Variants in SAMD5 observed in about 807,000 individuals in gnomAD.
The protein encoded by SAMD5 is sterile alpha motif domain containing 5, also known as sterile alpha motif domain-containing protein 5.
A neutral mutation model predicts 11.3 loss-of-function variants in SAMD5; 13 were observed. The ratio of observed to expected loss-of-function variants is 1.15; its 90% CI spans 0.75 to 1.83. The LOEUF is 1.83. SAMD5 is among the 40% of genes most tolerant of loss of function. The pLI, the probability that SAMD5 is intolerant of heterozygous loss-of-function variation, is 0.00. For missense variants in SAMD5, 255 were observed against 239.1 expected (o/e 1.07, Z -0.44); for synonymous variants, 129 against 111.3 (o/e 1.16, Z -1.00).
At chr6:147,682,702 G>A (rs1790956994) in intron 1 of SAMD5, among the ~76,000 whole-genome samples, 3 of 152,258 alleles carry the variant, frequency 2.0e-5, no homozygotes, top group Middle Eastern at 3.4e-3. Context: ...CAAATAGTAG[G>A]TTTTGAATTA....
intron 1 of SAMD5, among the ~76,000 whole-genome samples, chr6:147,617,847 A>T (rs1789895491): frequency 6.6e-6 from 1 of 152,204 alleles, no homozygotes; most frequent in Non-Finnish European, 1.5e-5. Flanking sequence ...TTCCATAACT[A>T]CCACCCAGGT....
At chr6:147,899,255 A>G in the SAMD5 span, among the ~76,000 whole-genome samples, 3 of 151,696 alleles carry the variant, frequency 2.0e-5, no homozygotes, top group African/African-American at 7.3e-5. Context: ...GATATTAATG[A>G]CCAGCCTTGG....
At position 147,569,587 on chromosome 6, in the gene SAMD5, A is replaced by G; in HGVS notation, c.*5131A>G. The G allele has an allele frequency of 1.0e-6, 1 of 980,384 alleles. No homozygotes were observed. Among genetic ancestry groups the G allele is most frequent in the Non-Finnish European group, 1.2e-6 (1 of 825,286 alleles). 60.7% of individuals were successfully genotyped at this position (980,384 alleles called of 1,614,324 possible). ...CATTCCAAAAATGAAATGCTGTGTTAAATATCTCCAGGGCAAAGTGGTATG... is the reference window on the plus strand; with the variant it reads ...CATTCCAAAAATGAAATGCTGTGTTGAATATCTCCAGGGCAAAGTGGTATG... On this transcript the variant is annotated 3_prime_UTR_variant, in exon 2 of 2. Coordinates refer to ENST00000367474, the MANE Select transcript of SAMD5 (RefSeq NM_001030060.3).
intron 1 of SAMD5, among the ~76,000 whole-genome samples, chr6:147,663,812 AGAGAGAG>A (rs1260474933): frequency 8.2e-6 from 1 of 122,192 alleles, no homozygotes; most frequent in Admixed American, 9.4e-5. Flanking sequence ...AAAAAAAAAA[AGAGAGAG>A]AAAGAAAAAG....
chr6:147,836,036 G>A, the SAMD5 span, among the ~76,000 whole-genome samples: 3 of 152,284 alleles, frequency 2.0e-5, no homozygotes, highest in South Asian at 2.1e-4. Context: ...CCAGCTTTAC[G>A]CTTTTTAAAT....
chr6:147,885,187 G>A, the SAMD5 span, among the ~76,000 whole-genome samples: 1 of 152,078 alleles, frequency 6.6e-6, no homozygotes, highest in Non-Finnish European at 1.5e-5. Flanking sequence ...GGCCAGGTGT[G>A]GTCACTCACA....
chr6:147,626,426 G>A (rs1263806950), intron 1 of SAMD5, among the ~76,000 whole-genome samples: 1 of 150,572 alleles, frequency 6.6e-6, no homozygotes, highest in Non-Finnish European at 1.5e-5. Flanking sequence ...GAGTTTACTG[G>A]ACATTTTCTG....
chr6:147,715,680 G>A (rs1261269385), intron 1 of SAMD5, among the ~76,000 whole-genome samples: 1 of 152,196 alleles, frequency 6.6e-6, no homozygotes, highest in African/African-American at 2.4e-5. Flanking sequence ...CTGCGTCCAG[G>A]AAGAATGAAG....
downstream of SAMD5, among the ~76,000 whole-genome samples, chr6:147,737,926 A>G (rs1791828773): frequency 6.6e-6 from 1 of 152,186 alleles, no homozygotes; most frequent in Non-Finnish European, 1.5e-5. Context: ...AAAGGAATGT[A>G]TAAGTTACGG....
Position 147,711,005 on chromosome 6 carries a change from TAAAG to T in SAMD5, c.163-26311_163-26308del, listed in dbSNP as rs557700320. ...GGAGGAGGGAGGGAGGGAAGGAAAA[TAAAG>T]GAAGGAAGGAAATAAGGAAGGAGGG... is the stretch of plus-strand genomic sequence containing the variant. On this transcript the variant is annotated intron_variant, in intron 1 of 1. Transcript: ENST00000566741. The surrounding 1 kb of genome is among the most constrained non-coding windows in gnomAD (Gnocchi z 4.1). Among the ~76,000 whole-genome samples, 66 of 107,360 alleles carry T rather than the reference TAAAG, an allele frequency of 6.1e-4. No individual in the cohort carries two copies. Among genetic ancestry groups the T allele is most frequent in the South Asian group, 4.2e-3 (15 of 3,564 alleles). The allele number at this position is 107,360 out of a possible 152,430, so 70.4% of individuals were successfully genotyped here.
the SAMD5 span, among the ~76,000 whole-genome samples, chr6:147,896,475 G>T: frequency 2.0e-5 from 3 of 152,074 alleles, no homozygotes; most frequent in Non-Finnish European, 2.9e-5. Flanking sequence ...TCTGGAAGGA[G>T]AGGAGGTACA....
the SAMD5 span, among the ~76,000 whole-genome samples, chr6:147,933,385 A>G: frequency 0.012 from 1,870 of 152,326 alleles, 46 homozygotes; most frequent in African/African-American, 0.042. Context: ...GAGACACCCA[A>G]TTAAGGAATT....
At chr6:147,869,860 G>C in the SAMD5 span, among the ~76,000 whole-genome samples, 4 of 151,888 alleles carry the variant, frequency 2.6e-5, no homozygotes, top group Non-Finnish European at 5.9e-5. Flanking sequence ...ACTACAACCA[G>C]CTAACTTTTT....
At chr6:147,757,255 ATTATAG>A in the SAMD5 span, among the ~76,000 whole-genome samples, 41 of 152,330 alleles carry the variant, frequency 2.7e-4, no homozygotes, top group East Asian at 6.9e-3. Flanking sequence ...AATGTAATCA[ATTATAG>A]TTATATATAA....
chr6:147,814,667 G>A, the SAMD5 span, among the ~76,000 whole-genome samples: 1 of 152,136 alleles, frequency 6.6e-6, no homozygotes, highest in Non-Finnish European at 1.5e-5. Context: ...GAATACTTAA[G>A]AGGCACTAGG....
the SAMD5 span, among the ~76,000 whole-genome samples, chr6:147,815,584 T>C: frequency 6.6e-6 from 1 of 152,216 alleles, no homozygotes; most frequent in Admixed American, 6.5e-5. Context: ...AGAAAGGGTC[T>C]GGAGGCATGA....
At chr6:147,861,875 G>A in the SAMD5 span, among the ~76,000 whole-genome samples, 2 of 152,170 alleles carry the variant, frequency 1.3e-5, no homozygotes, top group Admixed American at 6.5e-5. Context: ...TGTGACAGCA[G>A]CTGTTATTCT....
At chr6:147,564,261 G>A in intron 1 of SAMD5, 133 bp from the exon 2 acceptor site, 1 of 623,512 alleles carries the variant, frequency 1.6e-6, no homozygotes, top group Non-Finnish European at 2.9e-6. Flanking sequence ...TCTTAGGGCT[G>A]TTCTTCAAAA....
intron 1 of SAMD5, among the ~76,000 whole-genome samples, chr6:147,519,550 A>T (rs947268308): frequency 3.5e-4 from 53 of 152,350 alleles, no homozygotes; most frequent in African/African-American, 1.3e-3. Context: ...GTCACATAAG[A>T]ATAAAAGAAC....
Sources: gnomAD v4.1 joint callset for allele counts (sites outside exome capture counted in the v4.1 genomes callset) on GRCh38, gnomAD v4.1.1 for gene constraint, Gnocchi (gnomAD v3.1) non-coding constraint, MANE v1.5 for transcripts, NCBI Gene and HGNC (gene_info 2026-07-23, HGNC 2026-07-21) for gene names.